SMAD2: variants seen among roughly 807,000 people sequenced by gnomAD.
SMAD2 encodes MAD homolog 2.
In SMAD2, 8 loss-of-function variants were observed where a neutral mutation model predicts 64.4. That is an observed-to-expected ratio of 0.12 (90% CI 0.07 to 0.22). The LOEUF is 0.22. SMAD2 is among the 10% of genes least tolerant of loss of function. The probability of loss-of-function intolerance (pLI) is 1.00; values close to 1 mark genes in which losing one functional copy is unlikely to be tolerated. For synonymous variants in SMAD2, 203 were observed against 195.8 expected, an observed-to-expected ratio of 1.04 and a Z score of -0.31; for missense variants, 289 against 561.2, an observed-to-expected ratio of 0.51 and a Z score of 4.90.
At chr18:47,869,539 G>C (rs2031804955) in intron 3 of SMAD2, 103 bp from the exon 4 acceptor site, 1 of 794,954 alleles carries the variant, frequency 1.3e-6, no homozygotes, top group Non-Finnish European at 2.0e-6. Context: ...ATAAAGAAAA[G>C]AATGACAGCC....
chr18:47,868,965 A>G (rs1032413393), intron 4 of SMAD2, among the ~76,000 whole-genome samples: 3 of 152,224 alleles, frequency 2.0e-5, no homozygotes, highest in African/African-American at 7.2e-5. Context: ...GGACATGTAG[A>G]AGCACATCAG....
In SMAD2 at chr18:47,875,280, T is replaced by C. The variant is rs140213448; in HGVS notation, c.237-4716A>G. Among the ~76,000 whole-genome samples, 1,120 of 152,276 alleles carry C rather than the reference T, an allele frequency of 7.4e-3. 9 individuals carry two copies. Among genetic ancestry groups the C allele is most frequent in the African/African-American group, 0.025 (1,055 of 41,572 alleles). ...ATGAGGCAGTTTTAATCACCCACTC[T>C]TCCTTAAAGATTCTGTCTAACCACA... On this transcript the variant is annotated intron_variant, in intron 2 of 10. Transcript: ENST00000262160.
In SMAD2 at chr18:47,856,083, T is replaced by C. The variant is rs552937447; in HGVS notation, c.731-4756A>G. On this transcript the variant is annotated intron_variant, in intron 6 of 10. Coordinates refer to ENST00000262160, the MANE Select transcript of SMAD2 (RefSeq NM_005901.6). ...TTGGCATGGATGAATCTGGAAGACATTATGCCAAGGAAATTAGGTGGACAT... is the reference window on the plus strand; with the variant it reads ...TTGGCATGGATGAATCTGGAAGACACTATGCCAAGGAAATTAGGTGGACAT... Among the ~76,000 whole-genome samples, 17 of 151,980 alleles carry C rather than the reference T, an allele frequency of 1.1e-4. No individual in the cohort carries two copies. The South Asian group carries it at 3.3e-3, about 30-fold the overall frequency.
rs547994701 is a variant in SMAD2, at chr18:47,864,097, G to C, written c.730+962C>G. Among the ~76,000 whole-genome samples, 7 of 152,234 alleles carry C rather than the reference G, an allele frequency of 4.6e-5. No individual in the cohort carries two copies. The South Asian group carries it at 1.4e-3, about 32-fold the overall frequency. On this transcript the variant is annotated intron_variant, in intron 6 of 10. Transcript: ENST00000262160. ...AGAATATTATTGCTTCAAGAAGAGT[G>C]TCATCTAATTTTAGTAAAACATATG...
intron 2 of SMAD2, among the ~76,000 whole-genome samples, chr18:47,881,939 G>A (rs993549207): frequency 5.3e-5 from 8 of 151,132 alleles, no homozygotes; most frequent in Non-Finnish European, 1.0e-4. Context: ...GTGTGGTGGC[G>A]TGATCACTGC....
chr18:47,903,879 G>C (rs1010862888), intron 1 of SMAD2, among the ~76,000 whole-genome samples: 1 of 139,292 alleles, frequency 7.2e-6, no homozygotes, highest in African/African-American at 2.9e-5. Context: ...AACAGTGTGG[G>C]GGGGGGGGGG....
rs1912355899 is a variant in SMAD2, at chr18:47,816,095, CT to C, written c.*25731del. On this transcript the variant is annotated 3_prime_UTR_variant, in exon 11 of 11. Coordinates refer to ENST00000262160, the MANE Select transcript of SMAD2 (RefSeq NM_005901.6). Reference sequence around the variant, plus strand: ...GGTAAACACATACCTCATGTCTTGGCTTCTAGAGCCCGGAGATAAGATCAGC... The same window carrying C: ...GGTAAACACATACCTCATGTCTTGGCTCTAGAGCCCGGAGATAAGATCAGC... 6.6e-6 allele frequency: 1 copy of C among 152,174 alleles called. No homozygotes were observed. Among genetic ancestry groups the C allele is most frequent in the African/African-American group, 2.4e-5 (1 of 41,428 alleles). 9.4% of individuals were successfully genotyped at this position (152,174 alleles called of 1,614,324 possible). A position where few individuals can be genotyped will look rare whatever the true frequency, so the allele number is the denominator to read the frequency against.
chr18:47,864,101 T>C (rs919087716), intron 6 of SMAD2, among the ~76,000 whole-genome samples: 2 of 152,208 alleles, frequency 1.3e-5, no homozygotes, highest in Non-Finnish European at 2.9e-5. Context: ...AAGAGTGTCA[T>C]CTAATTTTAG....
intron 6 of SMAD2, among the ~76,000 whole-genome samples, chr18:47,860,116 G>T (rs1408365288): frequency 6.6e-6 from 1 of 151,958 alleles, no homozygotes; most frequent in African/African-American, 2.4e-5. Context: ...CCTGGGCAAC[G>T]AAGTGAGATC....
chr18:47,867,605 C>A (rs114530418), intron 5 of SMAD2, among the ~76,000 whole-genome samples: 2,291 of 150,372 alleles, frequency 0.015, 61 homozygotes, highest in African/African-American at 0.053. Flanking sequence ...GAAAAATCAA[C>A]CAAACAAAAA....
intron 6 of SMAD2, among the ~76,000 whole-genome samples, chr18:47,860,816 C>A (rs573511024): frequency 2.6e-5 from 4 of 151,926 alleles, no homozygotes; most frequent in Admixed American, 2.0e-4. Context: ...AAAAATTTGA[C>A]AAAATTCAAC....
Position 47,820,653 on chromosome 18 carries a change from AAAAC to A in SMAD2, c.*21170_*21173del, listed in dbSNP as rs888119673. The stretch of plus-strand genomic sequence containing the variant: ...TGACCAGTTGTTTAAGGGGAAGTAT[AAAAC>A]AAAGCAGAAAGTTTAAGCATGTCAC... On this transcript the variant is annotated 3_prime_UTR_variant, in exon 11 of 11. Coordinates refer to ENST00000262160, the MANE Select transcript of SMAD2 (RefSeq NM_005901.6). 9 of 152,188 alleles carry A rather than the reference AAAAC, an allele frequency of 5.9e-5. No individual in the cohort carries two copies. Among genetic ancestry groups the A allele is most frequent in the African/African-American group, 1.9e-4 (8 of 41,458 alleles). The allele number at this position is 152,188 out of a possible 1,614,324, so 9.4% of individuals were successfully genotyped here.
chr18:47,910,173 A>G (rs924163519), intron 1 of SMAD2, among the ~76,000 whole-genome samples: 15 of 28,912 alleles, frequency 5.2e-4, no homozygotes, highest in Middle Eastern at 0.012. Flanking sequence ...TGGATATGGA[A>G]AAAAAAAAAA....
chr18:47,858,396 T>C (rs1385799495), intron 6 of SMAD2, among the ~76,000 whole-genome samples: 1 of 152,202 alleles, frequency 6.6e-6, no homozygotes, highest in African/African-American at 2.4e-5. Context: ...GAGAAAGGAA[T>C]GTCTCTGCAA....
In SMAD2 at chr18:47,811,272, C is replaced by A. The variant is rs974968502; in HGVS notation, c.*30555G>T. 6.6e-6 allele frequency: 1 copy of A among 152,080 alleles called. No homozygotes were observed. Among genetic ancestry groups the A allele is most frequent in the African/African-American group, 2.4e-5 (1 of 41,350 alleles). The allele number at this position is 152,080 out of a possible 1,614,324, so 9.4% of individuals were successfully genotyped here. On this transcript the variant is annotated 3_prime_UTR_variant, in exon 11 of 11. Coordinates refer to ENST00000262160, the MANE Select transcript of SMAD2 (RefSeq NM_005901.6). Reference sequence around the variant, plus strand: ...GGATCACAAGGTCAGGAGATTGAGACCATCCTGGCTAACACGGTGAAACCC... The same window carrying A: ...GGATCACAAGGTCAGGAGATTGAGAACATCCTGGCTAACACGGTGAAACCC...
chr18:47,901,136 T>C (rs2033667572), intron 1 of SMAD2, among the ~76,000 whole-genome samples: 1 of 152,190 alleles, frequency 6.6e-6, no homozygotes, highest in Non-Finnish European at 1.5e-5. Flanking sequence ...TGATGGCATA[T>C]TTGTCTGTTT....
At chr18:47,870,802 A>C (rs989259913) in intron 2 of SMAD2, among the ~76,000 whole-genome samples, 1 of 152,192 alleles carries the variant, frequency 6.6e-6, no homozygotes, top group African/African-American at 2.4e-5. Flanking sequence ...AAATGTGAAC[A>C]CCAACGCCCT....
In SMAD2 at chr18:47,830,576, C is replaced by CAAAAAAAAAAAAGAAAAAA. The variant is rs1912948268; in HGVS notation, c.*11250_*11251insTTTTTTCTTTTTTTTTTTT. ...GGGCAACAGAGCAAGACTCTGTCTC[C>CAAAAAAAAAAAAGAAAAAA]AAAAAAAAAAAAAAAAAATTCGTTT... is the stretch of plus-strand genomic sequence containing the variant. On this transcript the variant is annotated 3_prime_UTR_variant, in exon 11 of 11. Coordinates refer to ENST00000262160, the MANE Select transcript of SMAD2 (RefSeq NM_005901.6). 8.0e-6 allele frequency: 1 copy of CAAAAAAAAAAAAGAAAAAA among 125,452 alleles called. No individual in the cohort carries two copies. Among genetic ancestry groups the CAAAAAAAAAAAAGAAAAAA allele is most frequent in the African/African-American group, 3.2e-5 (1 of 31,106 alleles). The allele number at this position is 125,452 out of a possible 1,614,324, so 7.8% of individuals were successfully genotyped here. A position where few individuals can be genotyped will look rare whatever the true frequency, so the allele number is the denominator to read the frequency against.
At chr18:47,843,696 G>A (rs752913546) in intron 10 of SMAD2, among the ~76,000 whole-genome samples, 2 of 152,134 alleles carry the variant, frequency 1.3e-5, no homozygotes, top group Non-Finnish European at 2.9e-5. Context: ...AATGTTACAG[G>A]AAACTACTTG....
Sources: gnomAD v4.1 joint callset for allele counts (sites outside exome capture counted in the v4.1 genomes callset) on GRCh38, gnomAD v4.1.1 for gene constraint, MANE v1.5 for transcripts, NCBI Gene and HGNC (gene_info 2026-07-23, HGNC 2026-07-21) for gene names.